The following LRRC49 variants were observed in gnomAD, a reference collection of about 807,000 sequenced individuals.
The protein encoded by LRRC49 is leucine-rich repeat-containing protein 49.
A neutral mutation model predicts 83.3 loss-of-function variants in LRRC49; 50 were observed. The observed-to-expected ratio is 0.60, with a 90% CI of 0.48 to 0.76. The LOEUF (loss-of-function observed/expected upper bound fraction) is 0.76, where lower values mean the gene tolerates loss of function less well. Among genes scored for constraint, LRRC49 ranks in the 30% least tolerant of loss-of-function variants. LRRC49 has a pLI of 0.00. For missense variants in LRRC49, 704 were observed against 809.1 expected (o/e 0.87, Z 1.58); for synonymous variants, 286 against 283.3 (o/e 1.01, Z -0.10).
intron 12 of LRRC49, chr15:71,009,588 C>T (rs905010645): frequency 5.2e-6 from 2 of 383,030 alleles, no homozygotes; most frequent in Non-Finnish European, 4.6e-6. Context: ...AAGGAGTCAC[C>T]CAGAATTCAA....
rs185531412 is a variant in LRRC49 at position 71,006,051 on chromosome 15, T to C, written c.1170-2328T>C. 3.9e-5 allele frequency among the ~76,000 whole-genome samples: 6 copies of C among 152,250 alleles called. No homozygotes were observed. In the East Asian group the frequency reaches 1.2e-3, roughly 29 times the overall value. On this transcript the variant is annotated intron_variant, in intron 11 of 15. Coordinates refer to ENST00000260382, the MANE Select transcript of LRRC49 (RefSeq NM_017691.5). ...ATATGGCCTGTTTACTAGGTGCTAG[T>C]GAAAAGGATGAGCCTGTCTGCAGCC... is the stretch of plus-strand genomic sequence containing the variant.
chr15:70,903,854 G>A (rs1406430), intron 4 of LRRC49, among the ~76,000 whole-genome samples: 66,725 of 151,874 alleles, frequency 0.44, 15,087 homozygotes, highest in East Asian at 0.6. Context: ...GAGGCTTACT[G>A]TTTTAAATAT....
At chr15:70,878,005 C>T (rs1267956626) in intron 2 of LRRC49, among the ~76,000 whole-genome samples, 2 of 152,094 alleles carry the variant, frequency 1.3e-5, no homozygotes, top group East Asian at 1.9e-4. Context: ...TGGTGGCGGG[C>T]GCCTGTAGTC....
chr15:70,872,069 A>G (rs183657345), intron 1 of LRRC49, among the ~76,000 whole-genome samples: 2,571 of 152,316 alleles, frequency 0.017, 76 homozygotes, highest in African/African-American at 0.058. Context: ...GGTTGAAGCA[A>G]GCCGAGATCA....
intron 2 of LRRC49, among the ~76,000 whole-genome samples, chr15:70,878,697 A>G (rs1006534735): frequency 1.3e-5 from 2 of 152,210 alleles, no homozygotes; most frequent in Non-Finnish European, 2.9e-5. Context: ...TTTTAAATCT[A>G]GTAAGATGAA....
chr15:71,036,076 C>T (rs2039509956), intron 14 of LRRC49, among the ~76,000 whole-genome samples: 1 of 152,144 alleles, frequency 6.6e-6, no homozygotes, highest in Non-Finnish European at 1.5e-5. Context: ...TTTTGATTTG[C>T]ATTTCTCTAA....
At chr15:70,972,402 T>C (rs2037040330) in intron 9 of LRRC49, among the ~76,000 whole-genome samples, 1 of 152,220 alleles carries the variant, frequency 6.6e-6, no homozygotes, top group Admixed American at 6.5e-5. Flanking sequence ...CCTTTCTCTC[T>C]GGCTGTGCTT....
intron 12 of LRRC49, 53 bp downstream of exon 12, chr15:71,008,669 G>T (rs1050169772): frequency 6.1e-6 from 8 of 1,317,850 alleles, no homozygotes; most frequent in Non-Finnish European, 8.7e-6. Context: ...AATGACTTGT[G>T]TGTTCAGGCC....
chr15:70,897,868 T>C (rs190096437), intron 3 of LRRC49, among the ~76,000 whole-genome samples: 169 of 152,360 alleles, frequency 1.1e-3, no homozygotes, highest in African/African-American at 3.8e-3. Flanking sequence ...GGAACTACTA[T>C]ATAATAAAAT....
chr15:70,988,035 T>C (rs1456578132), intron 11 of LRRC49, among the ~76,000 whole-genome samples: 1 of 152,092 alleles, frequency 6.6e-6, no homozygotes, highest in Non-Finnish European at 1.5e-5. Flanking sequence ...TTACATTTGC[T>C]GAGGAGAGCT....
intron 8 of LRRC49, among the ~76,000 whole-genome samples, chr15:70,939,390 T>G (rs375857545): frequency 7.2e-5 from 11 of 152,342 alleles, no homozygotes; most frequent in African/African-American, 2.6e-4. Flanking sequence ...CTTTTTGGTG[T>G]GTCCATTTTT....
chr15:70,979,928 A>C (rs572206720), intron 9 of LRRC49, among the ~76,000 whole-genome samples, 173 bp from the exon 10 acceptor site: 1 of 152,260 alleles, frequency 6.6e-6, no homozygotes, highest in African/African-American at 2.4e-5. Flanking sequence ...TTTTAGCATT[A>C]AGAGGAAAGA....
intron 8 of LRRC49, among the ~76,000 whole-genome samples, chr15:70,942,057 G>C (rs922805275): frequency 5.9e-5 from 9 of 151,868 alleles, no homozygotes; most frequent in East Asian, 1.9e-4. Context: ...GTGTGTGTGT[G>C]TGTGTGTGTG....
intron 2 of LRRC49, among the ~76,000 whole-genome samples, chr15:70,883,260 C>G (rs958004706): frequency 3.3e-5 from 5 of 150,978 alleles, no homozygotes; most frequent in African/African-American, 1.2e-4. Context: ...GGTGCCATCT[C>G]GGCTCACTGC....
intron 1 of LRRC49, among the ~76,000 whole-genome samples, chr15:70,857,638 A>G (rs2032685070): frequency 6.6e-6 from 1 of 152,224 alleles, no homozygotes. Flanking sequence ...GACATGATCC[A>G]TGAATACCAA....
rs547223322 is a variant in LRRC49, at chr15:70,995,175, T to TCTCGC, written c.1169+10919_1169+10920insTCGCC. Among the ~76,000 whole-genome samples the TCTCGC allele has an allele frequency of 4.0e-3, 606 of 152,220 alleles. 6 individuals are homozygous for TCTCGC. The highest frequency in any genetic ancestry group is 7.6e-3 in the Non-Finnish European group (520 of 68,002). On this transcript the variant is annotated intron_variant, in intron 11 of 15. Transcript: ENST00000260382. ...CAAAGGAAAAGATAGAAATGATGGG[T>TCTCGC]CAGATAGTCTAGGCGAGATTTTTAA...
rs534426306 is a variant in LRRC49 at position 70,980,475 on chromosome 15, G to A, written c.1005+291G>A. Among the ~76,000 whole-genome samples the A allele has an allele frequency of 9.2e-5, 14 of 151,920 alleles. No individual in the cohort carries two copies. The South Asian group carries it at 2.3e-3, about 25-fold the overall frequency. On this transcript the variant is annotated intron_variant, in intron 10 of 15. Transcript: ENST00000260382. The stretch of plus-strand genomic sequence containing the variant: ...TATAACACTTTTATTTCATACCAGT[G>A]CATCATCTTGTGTATCCCATGGCCT...
At chr15:70,940,790 G>A (rs1034202796) in intron 8 of LRRC49, among the ~76,000 whole-genome samples, 1 of 152,160 alleles carries the variant, frequency 6.6e-6, no homozygotes, top group Admixed American at 6.5e-5. Context: ...ACTATTGACA[G>A]ATCTTTTCTG....
chr15:70,990,440 G>T (rs3985605), intron 11 of LRRC49, among the ~76,000 whole-genome samples: 115,502 of 152,030 alleles, frequency 0.76, 45,614 homozygotes, highest in East Asian at 0.85. Context: ...CTCCGAGCCA[G>T]GTGCGGGATA....
Sources: gnomAD v4.1 joint callset for allele counts (sites outside exome capture counted in the v4.1 genomes callset) on GRCh38, gnomAD v4.1.1 for gene constraint, MANE v1.5 for transcripts, NCBI Gene and HGNC (gene_info 2026-07-23, HGNC 2026-07-21) for gene names.